ABCB9: variants seen among roughly 807,000 people sequenced by gnomAD.
ABCB9 encodes ATP binding cassette subfamily B member 9.
A neutral mutation model predicts 62.0 loss-of-function variants in ABCB9; 36 were observed. The observed-to-expected ratio is 0.58, with a 90% confidence interval of 0.45 to 0.77. The LOEUF is 0.77. Ranked by LOEUF, ABCB9 falls within the 30% of genes least tolerant of loss-of-function variation. The probability of loss-of-function intolerance (pLI) is 0.00; values close to 1 mark genes in which losing one functional copy is unlikely to be tolerated. For synonymous variants in ABCB9, 435 were observed against 461.4 expected, an observed-to-expected ratio of 0.94 and a Z score of 0.73; for missense variants, 943 against 1,054.7, an observed-to-expected ratio of 0.89 and a Z score of 1.47.
At chr12:122,953,954 G>A (rs2036493830) in intron 2 of ABCB9, among the ~76,000 whole-genome samples, 1 of 152,200 alleles carries the variant, frequency 6.6e-6, no homozygotes, top group Non-Finnish European at 1.5e-5. Context: ...CTGAGGCTCA[G>A]AGAGATTAAG....
rs767248694 is a variant in ABCB9 at position 122,940,079 on chromosome 12, C to A, written c.1743+32G>T. 3.8e-6 allele frequency: 6 copies of A among 1,589,756 alleles called. No individual in the cohort carries two copies. Among genetic ancestry groups the A allele is most frequent in the Middle Eastern group, 1.7e-4 (1 of 6,006 alleles). On this transcript the variant is annotated intron_variant, in intron 9 of 11. Transcript: ENST00000280560. The surrounding 1 kb of genome is among the most constrained non-coding windows in gnomAD (Gnocchi z 4.8). ...GAAAGACGGTTAGATGCAGAAAGGG[C>A]GGAGAAGTGTGGCCCAGGCCCGTGC...
Position 122,959,499 on chromosome 12 carries a change from C to T in ABCB9, c.601+136G>A. The T allele has an allele frequency of 7.1e-7, 1 of 1,411,504 alleles. No individual in the cohort carries two copies. Among genetic ancestry groups the T allele is most frequent in the Non-Finnish European group, 9.5e-7 (1 of 1,051,614 alleles). 87.4% of individuals were successfully genotyped at this position (1,411,504 alleles called of 1,614,324 possible). A position where few individuals can be genotyped will look rare whatever the true frequency, so the allele number is the denominator to read the frequency against. On this transcript the variant is annotated intron_variant, in intron 2 of 11. Transcript: ENST00000280560. The surrounding 1 kb of genome is among the most constrained non-coding windows in gnomAD (Gnocchi z 5.4). Reference sequence around the variant, plus strand: ...GTGCTGGGATTATAGATATGAGCCACTATGCCTGGCCTCTTTTCCTTTTCA... The same window carrying T: ...GTGCTGGGATTATAGATATGAGCCATTATGCCTGGCCTCTTTTCCTTTTCA...
chr12:122,943,042 T>G (rs964259513), intron 7 of ABCB9, among the ~76,000 whole-genome samples: 4 of 152,172 alleles, frequency 2.6e-5, no homozygotes, highest in Non-Finnish European at 4.4e-5. Flanking sequence ...AATCTCTTAC[T>G]GCCTGCGGGC....
At chr12:122,973,689 G>A (rs542038089) in intron 1 of ABCB9, among the ~76,000 whole-genome samples, 9 of 144,568 alleles carry the variant, frequency 6.2e-5, no homozygotes, top group Non-Finnish European at 1.3e-4. Flanking sequence ...GTGAAACCCC[G>A]TCTCTACTAA....
intron 4 of ABCB9, 53 bp from the exon 5 acceptor site, chr12:122,948,882 G>A: frequency 7.0e-7 from 1 of 1,437,202 alleles, no homozygotes; most frequent in Non-Finnish European, 9.2e-7. Flanking sequence ...CTTGGGGGTG[G>A]CGGTGGGGGA....
chr12:122,966,094 G>T (rs2037157184), intron 1 of ABCB9, among the ~76,000 whole-genome samples, 193 bp downstream of exon 1: 1 of 152,256 alleles, frequency 6.6e-6, no homozygotes, highest in South Asian at 2.1e-4. Flanking sequence ...GGCGCGGAAA[G>T]GATGCTGCAG....
chr12:122,965,888 C>T (rs968127458), intron 1 of ABCB9, among the ~76,000 whole-genome samples: 1 of 152,216 alleles, frequency 6.6e-6, no homozygotes, highest in African/African-American at 2.4e-5. Context: ...CAGGCCAGAT[C>T]CCCCAGGCTT....
At chr12:122,961,431 G>C (rs905496465) in intron 1 of ABCB9, among the ~76,000 whole-genome samples, 1 of 152,120 alleles carries the variant, frequency 6.6e-6, no homozygotes, top group Non-Finnish European at 1.5e-5. Context: ...GACCTCAAGT[G>C]ATCCACATGC....
intron 1 of ABCB9, among the ~76,000 whole-genome samples, chr12:122,961,365 T>A (rs2036897402): frequency 6.6e-6 from 1 of 151,538 alleles, no homozygotes; most frequent in South Asian, 2.1e-4. Context: ...ACTTTTTGTA[T>A]TTTTTTTAGT....
chr12:122,953,558 T>C (rs914256434), intron 2 of ABCB9, among the ~76,000 whole-genome samples: 1 of 152,186 alleles, frequency 6.6e-6, no homozygotes, highest in African/African-American at 2.4e-5. Flanking sequence ...TGGCTAATTT[T>C]TGTATTTTTA....
intron 11 of ABCB9, chr12:122,931,987 AG>A: frequency 1.2e-6 from 1 of 854,276 alleles, no homozygotes; most frequent in Non-Finnish European, 1.8e-6. Flanking sequence ...CACACCATAC[AG>A]CTCTGCCTGG....
In ABCB9 at chr12:122,932,135, G is replaced by T; in HGVS notation, c.2040+57C>A. ...AGCATCCATCTGCTGGGCGATGGGG[G>T]CTCTGGCCACCTGGAGCCGCTCCTG... On this transcript the variant is annotated intron_variant, in intron 11 of 11. Transcript: ENST00000280560. The surrounding 1 kb of genome is among the most constrained non-coding windows in gnomAD (Gnocchi z 4.7). 1 of 1,549,692 alleles carries T rather than the reference G, an allele frequency of 6.5e-7. No homozygotes were observed. The highest frequency in any genetic ancestry group is 2.4e-5 in the East Asian group (1 of 40,922).
chr12:122,927,835 T>C (rs1015613100), downstream of ABCB9, among the ~76,000 whole-genome samples: 1 of 152,224 alleles, frequency 6.6e-6, no homozygotes, highest in African/African-American at 2.4e-5. Flanking sequence ...GTCAAAATAA[T>C]TTGAGCCAAT....
intron 1 of ABCB9, among the ~76,000 whole-genome samples, chr12:122,965,398 G>C (rs1387597344): frequency 6.6e-6 from 1 of 152,236 alleles, no homozygotes; most frequent in African/African-American, 2.4e-5. Context: ...GCAAAGCACT[G>C]ACTGACAGAG....
intron 9 of ABCB9, among the ~76,000 whole-genome samples, chr12:122,936,276 T>C (rs1036244572): frequency 3.9e-5 from 6 of 152,172 alleles, no homozygotes; most frequent in Non-Finnish European, 5.9e-5. Context: ...ATTGATATAT[T>C]TCTATAAAGA....
intron 5 of ABCB9, 97 bp downstream of exon 5, chr12:122,948,527 C>T (rs2036170265): frequency 8.6e-7 from 1 of 1,164,942 alleles, no homozygotes. Flanking sequence ...CAAGACCTGT[C>T]CTTCACTAGC....
intron 1 of ABCB9, among the ~76,000 whole-genome samples, chr12:122,960,549 A>G (rs1268257863): frequency 6.6e-6 from 1 of 152,186 alleles, no homozygotes; most frequent in African/African-American, 2.4e-5. Context: ...CAAAAAGAAC[A>G]AAGATCCCTG....
At chr12:122,945,959 G>A (rs374904760) in intron 6 of ABCB9, 66 bp downstream of exon 6, 71 of 1,534,192 alleles carry the variant, frequency 4.6e-5, no homozygotes, top group Admixed American at 3.2e-4. Context: ...GTCCTAGATC[G>A]AGGGCTTCCC....
Position 122,961,364 on chromosome 12 carries a change from A to AT in ABCB9, c.-87-1043dup, listed in dbSNP as rs577657419. The stretch of plus-strand genomic sequence containing the variant: ...CCACCATGACCAGCTAACTTTTTGT[A>AT]TTTTTTTTAGTAGAGACGGGGTTTC... On this transcript the variant is annotated intron_variant, in intron 1 of 11. Transcript: ENST00000280560. 2.2e-4 allele frequency among the ~76,000 whole-genome samples: 33 copies of AT among 151,402 alleles called. 1 individual carries two copies. The South Asian group carries it at 3.6e-3, about 16-fold the overall frequency.
Sources: gnomAD v4.1 joint callset for allele counts (sites outside exome capture counted in the v4.1 genomes callset) on GRCh38, gnomAD v4.1.1 for gene constraint, Gnocchi (gnomAD v3.1) non-coding constraint, MANE v1.5 for transcripts, NCBI Gene and HGNC (gene_info 2026-07-23, HGNC 2026-07-21) for gene names.